The following MICAL2 variants were observed in gnomAD, a reference collection of about 807,000 sequenced individuals.
MICAL2 encodes the protein [F-actin]-monooxygenase MICAL2.
Under a neutral mutation model 127.3 loss-of-function variants are expected in MICAL2, and 77 were observed. The ratio of observed to expected loss-of-function variants is 0.60; its 90% CI spans 0.50 to 0.73. The LOEUF (loss-of-function observed/expected upper bound fraction) is 0.73, where lower values mean the gene tolerates loss of function less well. Ranked by LOEUF, MICAL2 falls within the 30% of genes least tolerant of loss-of-function variation. MICAL2 has a pLI of 0.00. For synonymous variants in MICAL2, 570 were observed against 551.1 expected (o/e 1.03, Z -0.48); for missense variants, 1,351 against 1,434.4 (o/e 0.94, Z 0.94).
intron 3 of MICAL2, among the ~76,000 whole-genome samples, chr11:12,187,778 G>A (rs1441023752): frequency 6.6e-6 from 1 of 152,086 alleles, no homozygotes; most frequent in Non-Finnish European, 1.5e-5. Context: ...AGCCCAGGTT[G>A]ACTCCCTGCT....
chr11:12,354,784 G>A (rs1939106460), exon 34 of MICAL2: 1 of 1,613,742 alleles, frequency 6.2e-7, no homozygotes, highest in South Asian at 1.1e-5. Context: ...TCTCACCCAG[G>A]GCCCAGGAAC....
chr11:12,288,207 C>T (rs1023375092), downstream of MICAL2, among the ~76,000 whole-genome samples: 3 of 152,226 alleles, frequency 2.0e-5, no homozygotes, highest in African/African-American at 4.8e-5. Context: ...CAGCCCCCAG[C>T]GGCGACAGCA....
rs751784328 is a variant in MICAL2, at chr11:12,220,338, G to A, written c.1086G>A (p.Gly362=). The A allele has an allele frequency of 1.2e-6, 2 of 1,614,198 alleles. No homozygotes were observed. The highest frequency in any genetic ancestry group is 1.1e-5 in the South Asian group (1 of 91,084). ...PSLDFAMNHY[G]QPDVAMFDFT... ...TAGACTTTGCCATGAACCACTATGGGCAGCCTGATGTGGCCATGTTTGACT... is the reference window on the plus strand; with the variant it reads ...TAGACTTTGCCATGAACCACTATGGACAGCCTGATGTGGCCATGTTTGACT... The change falls in exon 9 of 28, where the codon GGG becomes GGA. Residue 362 remains glycine (G), a synonymous_variant. Transcript: ENST00000683283.
chr11:12,225,250 A>G (rs1416076375), intron 13 of MICAL2, among the ~76,000 whole-genome samples: 1 of 152,178 alleles, frequency 6.6e-6, no homozygotes, highest in Admixed American at 6.5e-5. Context: ...CAAGCCACTT[A>G]CCTTCTCTGA....
intron 32 of MICAL2, among the ~76,000 whole-genome samples, chr11:12,329,510 C>A (rs576514512): frequency 2.0e-5 from 3 of 152,160 alleles, no homozygotes; most frequent in Non-Finnish European, 4.4e-5. Flanking sequence ...CGCCAATAAG[C>A]CAATAAGCCC....
In MICAL2 at chr11:12,249,098, G is replaced by A. The variant is rs112945284; in HGVS notation, c.2785-86G>A. ...CTATGCAAAATGCCTGAAGTATCCT[G>A]TAAAGCTTCTCTTTCCCCAGTGGAA... is the stretch of plus-strand genomic sequence containing the variant. On this transcript the variant is annotated intron_variant, in intron 21 of 27. Coordinates refer to ENST00000683283, the MANE Select transcript of MICAL2 (RefSeq NM_001282663.2). The A allele has an allele frequency of 4.4e-6, 7 of 1,576,378 alleles. No individual in the cohort carries two copies. In the African/African-American group the frequency reaches 6.7e-5, roughly 15 times the overall value.
At position 12,226,998 on chromosome 11, in the gene MICAL2, T is replaced by A. The variant is rs1430718159; in HGVS notation, c.1889-27T>A. 5.1e-6 allele frequency: 8 copies of A among 1,573,210 alleles called. No homozygotes were observed. In the Admixed American group the frequency reaches 1.3e-4, roughly 26 times the overall value. On this transcript the variant is annotated intron_variant, in intron 14 of 27. Transcript: ENST00000683283. ...ATACTTCCCAGAGCCAGGTTCCAAATCACAGTTGCGCTTTATTTCCCAACA... is the reference window on the plus strand; with the variant it reads ...ATACTTCCCAGAGCCAGGTTCCAAAACACAGTTGCGCTTTATTTCCCAACA...
intron 3 of MICAL2, among the ~76,000 whole-genome samples, chr11:12,188,119 G>A (rs7107134): frequency 0.22 from 33,578 of 152,054 alleles, 4,513 homozygotes; most frequent in African/African-American, 0.38. Context: ...TGGTAAGTCC[G>A]CATTGAGCTG....
intron 33 of MICAL2, among the ~76,000 whole-genome samples, chr11:12,351,457 A>C (rs990723681): frequency 3.3e-5 from 5 of 152,182 alleles, no homozygotes; most frequent in African/African-American, 2.4e-5. Flanking sequence ...ACAAAGTACA[A>C]GACAGTCCCT....
At chr11:12,232,012 T>C (rs1858353792) in intron 15 of MICAL2, among the ~76,000 whole-genome samples, 1 of 152,222 alleles carries the variant, frequency 6.6e-6, no homozygotes, top group Admixed American at 6.5e-5. Context: ...TTTGCTTGTC[T>C]GAAAAATGAG....
At chr11:12,241,887 C>A (rs1017979399) in intron 18 of MICAL2, among the ~76,000 whole-genome samples, 7 of 145,206 alleles carry the variant, frequency 4.8e-5, no homozygotes, top group Admixed American at 4.8e-4. Context: ...GCAATCCAAT[C>A]GAAATCTCTG....
chr11:12,293,801 A>C (rs535275040), downstream of MICAL2: 1 of 1,605,340 alleles, frequency 6.2e-7, no homozygotes, highest in East Asian at 2.2e-5. Flanking sequence ...TCTTGGGGAC[A>C]TCGGAAGCAA....
intron 3 of MICAL2, among the ~76,000 whole-genome samples, chr11:12,180,783 C>G (rs929221030): frequency 1.5e-5 from 2 of 131,848 alleles, no homozygotes; most frequent in African/African-American, 5.6e-5. Flanking sequence ...GTTGCTCAAC[C>G]TTTGAGGACT....
intron 1 of MICAL2, chr11:12,276,791 G>A (rs1479724763): frequency 1.3e-5 from 2 of 152,178 alleles, no homozygotes; most frequent in East Asian, 1.9e-4. Context: ...CACAAGACAA[G>A]GTCCTTGCTT....
chr11:12,177,753 C>G (rs1160313860), intron 3 of MICAL2, among the ~76,000 whole-genome samples: 2 of 152,048 alleles, frequency 1.3e-5, no homozygotes, highest in African/African-American at 4.8e-5. Context: ...TTCTGTAGTA[C>G]ATATTTGGTG....
chr11:12,159,389 C>T (rs1377986792), intron 2 of MICAL2, among the ~76,000 whole-genome samples: 4 of 152,214 alleles, frequency 2.6e-5, no homozygotes, highest in Non-Finnish European at 4.4e-5. Flanking sequence ...TACATTTCCC[C>T]AGGTACAAAT....
chr11:12,162,121 C>G lies in MICAL2; in HGVS notation c.-35C>G. 6.2e-7 allele frequency: 1 copy of G among 1,612,982 alleles called. No individual in the cohort carries two copies. The highest frequency in any genetic ancestry group is 8.5e-7 in the Non-Finnish European group (1 of 1,179,608). On this transcript the variant is annotated 5_prime_UTR_variant, in exon 3 of 28. Coordinates refer to ENST00000683283, the MANE Select transcript of MICAL2 (RefSeq NM_001282663.2). ...ATACTTCATGCTGTTCACCTGTGTCCTCGCCGCACCACTGCCGCACACGAC... is the reference window on the plus strand; with the variant it reads ...ATACTTCATGCTGTTCACCTGTGTCGTCGCCGCACCACTGCCGCACACGAC...
chr11:12,260,351 C>T (rs908302341), intron 26 of MICAL2: 96 of 1,394,114 alleles, frequency 6.9e-5, no homozygotes, highest in African/African-American at 1.0e-4. Flanking sequence ...CATCTACTCA[C>T]GGTGCTAGGG....
At chr11:12,206,975 G>A (rs764538302) in intron 4 of MICAL2, among the ~76,000 whole-genome samples, 10 of 151,976 alleles carry the variant, frequency 6.6e-5, no homozygotes, top group Non-Finnish European at 1.0e-4. Flanking sequence ...AAAGAAGGGC[G>A]TAGACTTGGT....
Sources: allele counts gnomAD v4.1 joint callset (sites outside exome capture counted in the v4.1 genomes callset), GRCh38; gene constraint gnomAD v4.1.1; transcripts MANE v1.5; gene names NCBI Gene and HGNC (gene_info 2026-07-23, HGNC 2026-07-21).